Variants in LCLAT1 observed in about 807,000 individuals in gnomAD.
LCLAT1 encodes the protein 1-AGP acyltransferase 8.
In LCLAT1, 11 loss-of-function variants were observed where a neutral mutation model predicts 30.7. The ratio of observed to expected loss-of-function variants is 0.36; its 90% confidence interval spans 0.23 to 0.59. LCLAT1 has a LOEUF of 0.59. LCLAT1 is among the 20% of genes least tolerant of loss of function. The probability of loss-of-function intolerance (pLI) is 0.77; values close to 1 mark genes in which losing one functional copy is unlikely to be tolerated. For synonymous variants in LCLAT1, 155 were observed against 151.3 expected (o/e 1.02, Z -0.18); for missense variants, 402 against 458.6 (o/e 0.88, Z 1.13).
chr2:30,561,099 G>A (rs1223797999), intron 3 of LCLAT1, among the ~76,000 whole-genome samples: 2 of 151,884 alleles, frequency 1.3e-5, no homozygotes, highest in African/African-American at 2.4e-5. Context: ...CTGCCACCAC[G>A]CCTGGCTAAT....
intron 5 of LCLAT1, among the ~76,000 whole-genome samples, chr2:30,613,576 A>C (rs1458897778): frequency 6.9e-6 from 1 of 145,078 alleles, no homozygotes; most frequent in Non-Finnish European, 1.5e-5. Flanking sequence ...AGAAAGAAAT[A>C]AGGGGAACCG....
intron 2 of LCLAT1, among the ~76,000 whole-genome samples, chr2:30,531,779 T>C (rs1030917344): frequency 1.3e-5 from 2 of 152,236 alleles, no homozygotes. Context: ...TTATTGATCC[T>C]GTTATGTTTT....
intron 1 of LCLAT1, among the ~76,000 whole-genome samples, chr2:30,494,953 A>ATTT (rs563456939): frequency 1.5e-5 from 2 of 137,918 alleles, no homozygotes; most frequent in African/African-American, 2.7e-5. Context: ...ATGAAGTGTG[A>ATTT]TTTTTTTTTT....
At chr2:30,631,739 C>T (rs1668780299) in intron 5 of LCLAT1, among the ~76,000 whole-genome samples, 1 of 152,096 alleles carries the variant, frequency 6.6e-6, no homozygotes, top group African/African-American at 2.4e-5. Context: ...CTTGACTTTC[C>T]ACGGTTTTAA....
intron 1 of LCLAT1, among the ~76,000 whole-genome samples, chr2:30,483,397 T>C (rs986617218): frequency 6.6e-6 from 1 of 152,212 alleles, no homozygotes; most frequent in African/African-American, 2.4e-5. Context: ...TGTATTTTTA[T>C]AACCATCTTT....
chr2:30,526,147 G>A (rs1685708340), intron 2 of LCLAT1, among the ~76,000 whole-genome samples: 1 of 151,988 alleles, frequency 6.6e-6, no homozygotes, highest in Non-Finnish European at 1.5e-5. Context: ...AGATAGGTTG[G>A]TTGGTTTTTA....
chr2:30,556,998 C>A (rs909487534), intron 3 of LCLAT1, among the ~76,000 whole-genome samples: 2 of 152,144 alleles, frequency 1.3e-5, no homozygotes, highest in African/African-American at 4.8e-5. Flanking sequence ...CCTGCGTCGG[C>A]CTCCCAAAGT....
intron 3 of LCLAT1, among the ~76,000 whole-genome samples, chr2:30,538,019 A>AT (rs1026781947): frequency 3.9e-5 from 6 of 152,162 alleles, no homozygotes; most frequent in Non-Finnish European, 7.3e-5. Flanking sequence ...TAAAAAAAAA[A>AT]TTTGAAGCAA....
intron 3 of LCLAT1, among the ~76,000 whole-genome samples, chr2:30,554,894 A>G (rs1664845205): frequency 6.6e-6 from 1 of 152,204 alleles, no homozygotes; most frequent in Admixed American, 6.5e-5. Flanking sequence ...TTTAACATCT[A>G]ACAGAACTTC....
At chr2:30,486,227 GC>G (rs1195536168) in intron 1 of LCLAT1, among the ~76,000 whole-genome samples, 1 of 152,070 alleles carries the variant, frequency 6.6e-6, no homozygotes, top group Non-Finnish European at 1.5e-5. Context: ...ACTTTGGACA[GC>G]CTTAACTGAC....
intron 5 of LCLAT1, among the ~76,000 whole-genome samples, chr2:30,624,006 G>A (rs553983568): frequency 2.6e-5 from 4 of 152,070 alleles, no homozygotes; most frequent in Admixed American, 6.6e-5. Context: ...TGTATCCAGC[G>A]AAACTAAGAG....
chr2:30,596,156 G>A (rs765194788), intron 5 of LCLAT1, among the ~76,000 whole-genome samples: 8 of 152,058 alleles, frequency 5.3e-5, no homozygotes, highest in Non-Finnish European at 1.0e-4. Flanking sequence ...GGTATATACC[G>A]AGTAGTGGGA....
intron 1 of LCLAT1, among the ~76,000 whole-genome samples, chr2:30,479,237 GT>G (rs538659392): frequency 4.7e-5 from 7 of 147,508 alleles, no homozygotes; most frequent in East Asian, 2.0e-4. Context: ...ATTTTCTTTG[GT>G]TTTTTTTTTG....
chr2:30,542,789 A>G lies in LCLAT1; in HGVS notation c.364+9475A>G, dbSNP rs963290686. On this transcript the variant is annotated intron_variant, in intron 3 of 5. Transcript: ENST00000379509. ...AGTTGTTTTAAGTTTTTACTTTCCAATTGTTTGCTGCCAGTTTATAGAAAT... is the reference window on the plus strand; with the variant it reads ...AGTTGTTTTAAGTTTTTACTTTCCAGTTGTTTGCTGCCAGTTTATAGAAAT... Among the ~76,000 whole-genome samples the G allele has an allele frequency of 3.3e-5, 5 of 152,048 alleles. No homozygotes were observed. In the South Asian group the frequency reaches 6.2e-4, roughly 19 times the overall value.
At chr2:30,609,775 A>G (rs1667644059) in intron 5 of LCLAT1, among the ~76,000 whole-genome samples, 3 of 152,110 alleles carry the variant, frequency 2.0e-5, no homozygotes, top group South Asian at 2.1e-4. Flanking sequence ...ATTAACTTGT[A>G]TTCGTTTCCT....
Position 30,484,777 on chromosome 2 carries a change from AAGTGATTTCATTTT to A in LCLAT1, c.-5+37396_-5+37409del, listed in dbSNP as rs1471535181. On this transcript the variant is annotated intron_variant, in intron 1 of 5. Transcript: ENST00000379509. ...TCAGTAACATTTGACAGTTTTAAAA[AAGTGATTTCATTTT>A]AAAATAAGTTGAACTATTTATCAAA... is the stretch of plus-strand genomic sequence containing the variant. 1.9e-4 allele frequency among the ~76,000 whole-genome samples: 22 copies of A among 116,448 alleles called. No homozygotes were observed. The East Asian group carries it at 6.6e-3, about 35-fold the overall frequency. The allele number at this position is 116,448 out of a possible 152,430, so 76.4% of individuals were successfully genotyped here.
chr2:30,634,299 A>G lies in LCLAT1; in HGVS notation c.629-5818A>G, dbSNP rs1238846242. ...CCCGTTTTCTAAAGCCCGTATAGAC[A>G]GATGACAGAATAGACAGCATCTAGA... On this transcript the variant is annotated intron_variant, in intron 5 of 5. Transcript: ENST00000379509. Among the ~76,000 whole-genome samples the G allele has an allele frequency of 2.0e-5, 3 of 152,344 alleles. No homozygotes were observed. In the East Asian group the frequency reaches 5.8e-4, roughly 29 times the overall value.
intron 3 of LCLAT1, among the ~76,000 whole-genome samples, chr2:30,546,698 CTGTT>C (rs1282420390): frequency 6.6e-6 from 1 of 152,182 alleles, no homozygotes; most frequent in Non-Finnish European, 1.5e-5. Flanking sequence ...GAATAGATGT[CTGTT>C]TGACATATTT....
chr2:30,513,574 ACT>A (rs1370683883), intron 1 of LCLAT1, among the ~76,000 whole-genome samples: 2 of 151,894 alleles, frequency 1.3e-5, no homozygotes, highest in East Asian at 1.9e-4. Flanking sequence ...TGGCCTTTAA[ACT>A]CTCTGCAGTT....
Sources: gnomAD v4.1 joint callset for allele counts (sites outside exome capture counted in the v4.1 genomes callset) on GRCh38, gnomAD v4.1.1 for gene constraint, MANE v1.5 for transcripts, NCBI Gene and HGNC (gene_info 2026-07-23, HGNC 2026-07-21) for gene names.